Variants in TAFA1 observed in about 807,000 individuals in gnomAD.
TAFA1 encodes the protein TAFA chemokine like family member 1, also known as chemokine-like protein TAFA-1.
TAFA1 carries 4 observed loss-of-function variants against 18.5 expected under a neutral mutation model. The ratio of observed to expected loss-of-function variants is 0.22; its 90% CI spans 0.11 to 0.49. The LOEUF (loss-of-function observed/expected upper bound fraction) is 0.49, where lower values mean the gene tolerates loss of function less well. Among genes scored for constraint, TAFA1 ranks in the 20% least tolerant of loss-of-function variants. TAFA1 has a pLI of 0.98. For synonymous variants in TAFA1, 56 were observed against 55.2 expected, an observed-to-expected ratio of 1.01 and a Z score of -0.06; for missense variants, 147 against 169.0, an observed-to-expected ratio of 0.87 and a Z score of 0.72.
At chr3:68,541,915 T>C (rs909761164) in intron 4 of TAFA1, among the ~76,000 whole-genome samples, 1 of 152,154 alleles carries the variant, frequency 6.6e-6, no homozygotes, top group African/African-American at 2.4e-5. Context: ...TTTAAAACTT[T>C]ATGGTGTTCA....
intron 2 of TAFA1, among the ~76,000 whole-genome samples, chr3:68,352,857 A>C (rs1000151652): frequency 2.6e-5 from 4 of 152,004 alleles, no homozygotes; most frequent in Non-Finnish European, 5.9e-5. Flanking sequence ...AGGGAAAGTG[A>C]GGATGACCTA....
chr3:68,507,900 T>G (rs1262143587), intron 3 of TAFA1, among the ~76,000 whole-genome samples: 4 of 152,148 alleles, frequency 2.6e-5, no homozygotes, highest in African/African-American at 7.2e-5. Context: ...CAAAGTAGTA[T>G]TTATTTAGAT....
intron 2 of TAFA1, among the ~76,000 whole-genome samples, chr3:68,329,656 A>G (rs1559619830): frequency 6.6e-6 from 1 of 152,184 alleles, no homozygotes; most frequent in African/African-American, 2.4e-5. Flanking sequence ...TTGGCTTTCT[A>G]CAAGCTCAAG....
At chr3:68,412,825 C>T (rs958794566) in intron 2 of TAFA1, among the ~76,000 whole-genome samples, 19 of 151,988 alleles carry the variant, frequency 1.3e-4, no homozygotes, top group African/African-American at 2.9e-4. Context: ...TGAATAGTGC[C>T]GCAATAAACA....
At chr3:68,201,265 A>T (rs58284853) in intron 2 of TAFA1, among the ~76,000 whole-genome samples, 3 of 151,684 alleles carry the variant, frequency 2.0e-5, no homozygotes, top group Admixed American at 6.6e-5. Context: ...TTATATTTTT[A>T]AAAATGTGTT....
At chr3:68,030,159 A>G (rs996890538) in intron 2 of TAFA1, among the ~76,000 whole-genome samples, 3 of 152,218 alleles carry the variant, frequency 2.0e-5, no homozygotes, top group Non-Finnish European at 4.4e-5. Flanking sequence ...AATGGGTGAC[A>G]TTATTAATAA....
chr3:68,064,594 C>T (rs963300556), intron 2 of TAFA1, among the ~76,000 whole-genome samples: 16 of 152,064 alleles, frequency 1.1e-4, no homozygotes, highest in African/African-American at 3.4e-4. Flanking sequence ...CACGGTAATC[C>T]GGACTTCCTA....
At chr3:68,340,900 T>A (rs976266728) in intron 2 of TAFA1, among the ~76,000 whole-genome samples, 1 of 152,202 alleles carries the variant, frequency 6.6e-6, no homozygotes, top group Admixed American at 6.5e-5. Flanking sequence ...TTGAGATCTG[T>A]GCTATGAATT....
intron 2 of TAFA1, among the ~76,000 whole-genome samples, chr3:68,331,545 C>T (rs940103012): frequency 6.6e-6 from 1 of 152,162 alleles, no homozygotes; most frequent in Non-Finnish European, 1.5e-5. Context: ...TAGGACTCTA[C>T]CATTACAAAG....
At chr3:68,205,394 G>A (rs1217118847) in intron 2 of TAFA1, among the ~76,000 whole-genome samples, 3 of 151,770 alleles carry the variant, frequency 2.0e-5, no homozygotes, top group Admixed American at 1.3e-4. Flanking sequence ...AAATGACTAC[G>A]AGGGGATATG....
intron 2 of TAFA1, among the ~76,000 whole-genome samples, chr3:68,290,780 A>G (rs758367717): frequency 7.2e-5 from 11 of 152,144 alleles, no homozygotes; most frequent in South Asian, 4.1e-4. Context: ...ATGTTTAACT[A>G]TTAATTTATA....
At chr3:68,066,377 T>C (rs1244115256) in intron 2 of TAFA1, among the ~76,000 whole-genome samples, 3 of 152,316 alleles carry the variant, frequency 2.0e-5, no homozygotes, top group South Asian at 2.1e-4. Flanking sequence ...AGGAGCTTGA[T>C]AAATATTTGG....
intron 2 of TAFA1, among the ~76,000 whole-genome samples, chr3:68,114,027 C>T (rs2065297029): frequency 6.6e-6 from 1 of 151,418 alleles, no homozygotes; most frequent in Admixed American, 6.6e-5. Context: ...GTCTCAGCCT[C>T]CTGAGTAGCT....
At chr3:68,489,879 C>T (rs966773449) in intron 3 of TAFA1, among the ~76,000 whole-genome samples, 2 of 152,112 alleles carry the variant, frequency 1.3e-5, no homozygotes, top group African/African-American at 4.8e-5. Flanking sequence ...ATGGCAAGTA[C>T]ATATATTGTG....
chr3:68,065,717 T>A (rs2064666183), intron 2 of TAFA1, among the ~76,000 whole-genome samples: 1 of 122,164 alleles, frequency 8.2e-6, no homozygotes. Context: ...TATACATAGA[T>A]GTTTGTGTGT....
At chr3:68,439,958 G>A (rs1360707884) in intron 3 of TAFA1, among the ~76,000 whole-genome samples, 1 of 152,054 alleles carries the variant, frequency 6.6e-6, no homozygotes, top group African/African-American at 2.4e-5. Flanking sequence ...AACTGGAACT[G>A]CACCAATCCC....
chr3:68,280,146 A>C (rs2067872677), intron 2 of TAFA1, among the ~76,000 whole-genome samples: 1 of 152,182 alleles, frequency 6.6e-6, no homozygotes, highest in African/African-American at 2.4e-5. Flanking sequence ...CACTTGAGAA[A>C]ACAGGATAAT....
At chr3:68,468,121 A>T (rs2106940030) in intron 3 of TAFA1, among the ~76,000 whole-genome samples, 1 of 152,320 alleles carries the variant, frequency 6.6e-6, no homozygotes, top group Admixed American at 6.5e-5. Context: ...ATATAAAAAC[A>T]AAAACAAAAC....
At chr3:68,388,816 G>A (rs1000048106) in intron 2 of TAFA1, among the ~76,000 whole-genome samples, 1 of 151,990 alleles carries the variant, frequency 6.6e-6, no homozygotes, top group Non-Finnish European at 1.5e-5. Flanking sequence ...TTTGGATGGT[G>A]TTTTTAAACC....
Sources: gnomAD v4.1 joint callset for allele counts (sites outside exome capture counted in the v4.1 genomes callset) on GRCh38, gnomAD v4.1.1 for gene constraint, MANE v1.5 for transcripts, NCBI Gene and HGNC (gene_info 2026-07-23, HGNC 2026-07-21) for gene names.